EIPR1: variants seen among roughly 807,000 people sequenced by gnomAD.
The protein encoded by EIPR1 is EARP and GARP complex-interacting protein 1.
EIPR1 carries 25 observed loss-of-function variants against 48.1 expected under a neutral mutation model. That is an observed-to-expected ratio of 0.52 (90% CI 0.38 to 0.73). The LOEUF is 0.73. Among genes scored for constraint, EIPR1 ranks in the 30% least tolerant of loss-of-function variants. EIPR1 has a pLI of 0.00. For synonymous variants in EIPR1, 204 were observed against 201.9 expected, an observed-to-expected ratio of 1.01 and a Z score of -0.09; for missense variants, 415 against 506.2, an observed-to-expected ratio of 0.82 and a Z score of 1.73.
rs991093828 is a variant in EIPR1 at position 3,286,001 on chromosome 2, T to G, written c.260-28546A>C. The stretch of plus-strand genomic sequence containing the variant: ...TCACTTTGGAAGCAGTGCCCTGCCC[T>G]GAGGACATGGGGCAGCCGGCTGTAG... On this transcript the variant is annotated intron_variant, in intron 3 of 8. Transcript: ENST00000382125. This position sits in a 1 kb window ranked among gnomAD's most constrained non-coding sequence, Gnocchi z 4.2. Among the ~76,000 whole-genome samples, 1 of 152,222 alleles carries G rather than the reference T, an allele frequency of 6.6e-6. No homozygotes were observed. Among genetic ancestry groups the G allele is most frequent in the Admixed American group, 6.5e-5 (1 of 15,290 alleles).
At chr2:3,370,581 T>G (rs1671090492) in intron 1 of EIPR1, among the ~76,000 whole-genome samples, 1 of 151,724 alleles carries the variant, frequency 6.6e-6, no homozygotes, top group African/African-American at 2.4e-5. Flanking sequence ...TCGAGAACTA[T>G]GTGAAGAATG....
intron 3 of EIPR1, among the ~76,000 whole-genome samples, chr2:3,316,337 A>C (rs145772460): frequency 3.6e-4 from 55 of 152,212 alleles, no homozygotes; most frequent in African/African-American, 1.0e-3. Context: ...GCCCAGAGGA[A>C]CAATCTCCTC....
At position 3,189,591 on chromosome 2, in the gene EIPR1, C is replaced by T. The variant is rs1412857069; in HGVS notation, c.990-83G>A. The stretch of plus-strand genomic sequence containing the variant: ...GGGGCAGGGAGGACGCGAGCGCTGA[C>T]ATCGGGAGACACGGGAGGTACTGGG... On this transcript the variant is annotated intron_variant, in intron 8 of 8. Coordinates refer to ENST00000382125, the MANE Select transcript of EIPR1 (RefSeq NM_003310.5). This position sits in a 1 kb window ranked among gnomAD's most constrained non-coding sequence, Gnocchi z 4.6. The T allele has an allele frequency of 6.0e-6, 8 of 1,329,604 alleles. No individual in the cohort carries two copies. Among genetic ancestry groups the T allele is most frequent in the Non-Finnish European group, 7.0e-6 (7 of 995,776 alleles). 82.4% of individuals were successfully genotyped at this position (1,329,604 alleles called of 1,614,324 possible).
rs1338263818 is a variant in EIPR1, at chr2:3,312,529, C to T, written c.259+25488G>A. On this transcript the variant is annotated intron_variant, in intron 3 of 8. Coordinates refer to ENST00000382125, the MANE Select transcript of EIPR1 (RefSeq NM_003310.5). This position sits in a 1 kb window ranked among gnomAD's most constrained non-coding sequence, Gnocchi z 5.5. ...CCAGGTTCCCATGGTCCTCCCAAGGCTCCCTCCCACCACTCAGCACCTGCT... is the reference window on the plus strand; with the variant it reads ...CCAGGTTCCCATGGTCCTCCCAAGGTTCCCTCCCACCACTCAGCACCTGCT... Among the ~76,000 whole-genome samples, 2 of 152,186 alleles carry T rather than the reference C, an allele frequency of 1.3e-5. No homozygotes were observed. Among genetic ancestry groups the T allele is most frequent in the East Asian group, 3.9e-4 (2 of 5,190 alleles).
At chr2:3,309,804 A>G (rs1201233983) in intron 3 of EIPR1, among the ~76,000 whole-genome samples, 2 of 152,156 alleles carry the variant, frequency 1.3e-5, no homozygotes, top group Non-Finnish European at 1.5e-5. Flanking sequence ...CTTCTGTTCT[A>G]ACACCCCCCT....
intron 3 of EIPR1, among the ~76,000 whole-genome samples, chr2:3,317,390 G>A (rs1669343386): frequency 6.6e-6 from 1 of 151,682 alleles, no homozygotes; most frequent in African/African-American, 2.4e-5. Context: ...ACCGAGCTGA[G>A]GGCCTACTGT....
chr2:3,259,337 G>A (rs1205795108), intron 3 of EIPR1, among the ~76,000 whole-genome samples: 2 of 150,418 alleles, frequency 1.3e-5, no homozygotes, highest in Non-Finnish European at 2.9e-5. Context: ...CTGTTCAGGT[G>A]TAAAGAAAGT....
At chr2:3,220,002 T>C (rs981824735) in intron 4 of EIPR1, among the ~76,000 whole-genome samples, 4 of 152,122 alleles carry the variant, frequency 2.6e-5, no homozygotes, top group African/African-American at 9.7e-5. Flanking sequence ...TCAGGAGGCA[T>C]TAGATTCTCA....
intron 4 of EIPR1, among the ~76,000 whole-genome samples, chr2:3,251,318 G>A (rs1424447132): frequency 1.3e-5 from 2 of 152,246 alleles, no homozygotes; most frequent in African/African-American, 4.8e-5. Flanking sequence ...AGGGTGGGAA[G>A]AGGGTCTGTA....
intron 4 of EIPR1, among the ~76,000 whole-genome samples, chr2:3,250,874 G>C (rs369420267): frequency 1.6e-4 from 24 of 152,192 alleles, no homozygotes; most frequent in African/African-American, 5.8e-4. Flanking sequence ...GTTTCCTAAA[G>C]CCTCACCAAG....
chr2:3,196,868 T>G lies in EIPR1; in HGVS notation c.653+13A>C. Reference sequence around the variant, plus strand: ...GAAAGGAAGTGGGGCCTGCGCCGGGTGGGCTCACTGACCTCATGCTCCGGG... The same window carrying G: ...GAAAGGAAGTGGGGCCTGCGCCGGGGGGGCTCACTGACCTCATGCTCCGGG... On this transcript the variant is annotated intron_variant, in intron 6 of 8. Coordinates refer to ENST00000382125, the MANE Select transcript of EIPR1 (RefSeq NM_003310.5). 6.2e-7 allele frequency: 1 copy of G among 1,612,462 alleles called. No individual in the cohort carries two copies.
Position 3,292,908 on chromosome 2 carries a change from A to G in EIPR1, c.260-35453T>C, listed in dbSNP as rs570253256. ...ATATAAACCTTAGTGGCTAGGTCCA[A>G]AAAAGACTGTCATTTGCAGAAAACG... is the stretch of plus-strand genomic sequence containing the variant. On this transcript the variant is annotated intron_variant, in intron 3 of 8. Transcript: ENST00000382125. Among the ~76,000 whole-genome samples, 3 of 152,262 alleles carry G rather than the reference A, an allele frequency of 2.0e-5. No individual in the cohort carries two copies. In the East Asian group the frequency reaches 5.8e-4, roughly 29 times the overall value.
chr2:3,213,968 T>G, intron 5 of EIPR1, among the ~76,000 whole-genome samples, 181 bp downstream of exon 5: 1 of 152,168 alleles, frequency 6.6e-6, no homozygotes, highest in Admixed American at 6.5e-5. Context: ...GTCATTTACA[T>G]TAGGTATGTC....
chr2:3,293,931 A>C (rs1668448696), intron 3 of EIPR1, among the ~76,000 whole-genome samples: 1 of 152,172 alleles, frequency 6.6e-6, no homozygotes, highest in Admixed American at 6.5e-5. Flanking sequence ...CCTTAAATTT[A>C]ATTAAATGGA....
At chr2:3,225,606 C>A (rs990585567) in intron 4 of EIPR1, among the ~76,000 whole-genome samples, 2 of 152,160 alleles carry the variant, frequency 1.3e-5, no homozygotes, top group Admixed American at 6.5e-5. Flanking sequence ...TAACTAATAA[C>A]ATATCCATCA....
At chr2:3,353,019 G>A (rs985992860) in intron 2 of EIPR1, among the ~76,000 whole-genome samples, 1 of 152,092 alleles carries the variant, frequency 6.6e-6, no homozygotes, top group Non-Finnish European at 1.5e-5. Flanking sequence ...ACCAGAAGAA[G>A]GGTGAGTATA....
intron 1 of EIPR1, among the ~76,000 whole-genome samples, chr2:3,370,947 A>G (rs978995089): frequency 4.1e-4 from 63 of 152,202 alleles, no homozygotes; most frequent in Non-Finnish European, 7.9e-4. Flanking sequence ...CAGATTCACC[A>G]AAGTTGAAAT....
At chr2:3,255,793 G>A (rs756835649) in intron 4 of EIPR1, among the ~76,000 whole-genome samples, 10 of 150,216 alleles carry the variant, frequency 6.7e-5, no homozygotes, top group African/African-American at 2.2e-4. Context: ...CTCCTGCAAC[G>A]TGTACACACA....
intron 3 of EIPR1, among the ~76,000 whole-genome samples, chr2:3,306,576 A>G (rs1054058859): frequency 6.6e-6 from 1 of 152,246 alleles, no homozygotes; most frequent in Non-Finnish European, 1.5e-5. Flanking sequence ...GTAGATTAAC[A>G]TATTTTGTAT....
Sources: gnomAD v4.1 joint callset for allele counts (sites outside exome capture counted in the v4.1 genomes callset) on GRCh38, gnomAD v4.1.1 for gene constraint, Gnocchi (gnomAD v3.1) non-coding constraint, MANE v1.5 for transcripts, NCBI Gene and HGNC (gene_info 2026-07-23, HGNC 2026-07-21) for gene names.